The following ITGA8 variants were observed in gnomAD, a reference collection of about 807,000 sequenced individuals.
The protein encoded by ITGA8 is integrin alpha-8.
A neutral mutation model predicts 142.3 loss-of-function variants in ITGA8; 91 were observed. That is an observed-to-expected ratio of 0.64 (90% CI 0.54 to 0.76). The LOEUF (loss-of-function observed/expected upper bound fraction) is 0.76, where lower values mean the gene tolerates loss of function less well. Among genes scored for constraint, ITGA8 ranks in the 30% least tolerant of loss-of-function variants. The pLI is 0.00. For missense variants in ITGA8, 1,406 were observed against 1,327.7 expected, an observed-to-expected ratio of 1.06 and a Z score of -0.92; for synonymous variants, 505 against 485.2, an observed-to-expected ratio of 1.04 and a Z score of -0.54.
rs1250279195 is a variant in ITGA8 at position 15,592,641 on chromosome 10, G to A, written c.2212-337C>T. On this transcript the variant is annotated intron_variant, in intron 21 of 29. Coordinates refer to ENST00000378076, the MANE Select transcript of ITGA8 (RefSeq NM_003638.3). ...ATTGATTGAGACAGGGTCTCGCTCC[G>A]TCACCCAGGCTGGAGTGCATTAGTG... Among the ~76,000 whole-genome samples, 10 of 152,182 alleles carry A rather than the reference G, an allele frequency of 6.6e-5. No homozygotes were observed. The East Asian group carries it at 9.6e-4, about 15-fold the overall frequency.
chr10:15,663,344 CTTT>C (rs1271674875), intron 8 of ITGA8, among the ~76,000 whole-genome samples: 1 of 152,052 alleles, frequency 6.6e-6, no homozygotes, highest in South Asian at 2.1e-4. Context: ...CCTCAAAACA[CTTT>C]TTATTTTATT....
At chr10:15,666,599 T>C (rs574907800) in intron 8 of ITGA8, among the ~76,000 whole-genome samples, 5 of 152,160 alleles carry the variant, frequency 3.3e-5, no homozygotes, top group Non-Finnish European at 7.4e-5. Context: ...CTTGTGCCAG[T>C]TTTCAAAGGG....
At chr10:15,532,432 A>G (rs909179888) in intron 27 of ITGA8, among the ~76,000 whole-genome samples, 3 of 141,672 alleles carry the variant, frequency 2.1e-5, no homozygotes, top group East Asian at 2.0e-4. Context: ...AAAAAAAAAA[A>G]AAAAAAAAAA....
At chr10:15,597,170 A>G (rs2131601127) in intron 21 of ITGA8, 37 bp downstream of exon 21, 1 of 1,514,402 alleles carries the variant, frequency 6.6e-7, no homozygotes, top group Non-Finnish European at 9.2e-7. Context: ...AAGTCCAGTT[A>G]GAAGGAAATC....
intron 8 of ITGA8, among the ~76,000 whole-genome samples, chr10:15,668,289 C>G (rs1167171748): frequency 6.6e-6 from 1 of 151,974 alleles, no homozygotes; most frequent in Non-Finnish European, 1.5e-5. Context: ...TTCTTTGTCT[C>G]TTTTGATCTT....
At chr10:15,659,819 G>A (rs945883219) in intron 9 of ITGA8, among the ~76,000 whole-genome samples, 1 of 152,190 alleles carries the variant, frequency 6.6e-6, no homozygotes, top group African/African-American at 2.4e-5. Context: ...AGACTGGTGG[G>A]ATGTTGCCAC....
At chr10:15,644,261 T>C in intron 12 of ITGA8, 40 bp from the exon 13 acceptor site, 4 of 1,535,568 alleles carry the variant, frequency 2.6e-6, no homozygotes, top group Non-Finnish European at 2.6e-6. Flanking sequence ...TGTATATGTA[T>C]TTAATTCTTC....
Position 15,708,830 on chromosome 10 carries a change from T to G in ITGA8, c.343+9936A>C, listed in dbSNP as rs181089536. 1.5e-4 allele frequency among the ~76,000 whole-genome samples: 23 copies of G among 152,244 alleles called. No homozygotes were observed. In the East Asian group the frequency reaches 4.4e-3, roughly 29 times the overall value. On this transcript the variant is annotated intron_variant, in intron 2 of 29. Transcript: ENST00000378076. The stretch of plus-strand genomic sequence containing the variant: ...AGTGTGCAATTAGACACACCCCTTT[T>G]CCAATTAGGGTGATCTCAGACACCC...
chr10:15,645,250 G>A (rs1833959030), intron 12 of ITGA8, among the ~76,000 whole-genome samples: 1 of 152,006 alleles, frequency 6.6e-6, no homozygotes, highest in South Asian at 2.1e-4. Context: ...TTTACTCTCA[G>A]TGAATTTCAC....
chr10:15,672,602 T>C, intron 7 of ITGA8, 22 bp downstream of exon 7: 1 of 1,593,564 alleles, frequency 6.3e-7, no homozygotes, highest in Non-Finnish European at 8.5e-7. Context: ...AAACCACAAA[T>C]GTCTTGGGCA....
At chr10:15,702,990 G>A (rs1429827703) in intron 2 of ITGA8, among the ~76,000 whole-genome samples, 1 of 152,064 alleles carries the variant, frequency 6.6e-6, no homozygotes, top group Admixed American at 6.6e-5. Flanking sequence ...TATTCCTCTA[G>A]TTCATAGTGA....
intron 25 of ITGA8, among the ~76,000 whole-genome samples, chr10:15,563,910 G>C (rs1412465095): frequency 7.1e-6 from 1 of 140,226 alleles, no homozygotes; most frequent in Non-Finnish European, 1.5e-5. Flanking sequence ...ACAGAGTGAG[G>C]CTGTCTCCAA....
At chr10:15,691,108 T>C (rs1834926097) in intron 2 of ITGA8, among the ~76,000 whole-genome samples, 1 of 152,146 alleles carries the variant, frequency 6.6e-6, no homozygotes, top group Non-Finnish European at 1.5e-5. Flanking sequence ...ACATCCCTAA[T>C]CATCAGGGAT....
chr10:15,567,576 A>G (rs906248502), intron 25 of ITGA8, among the ~76,000 whole-genome samples: 4 of 152,234 alleles, frequency 2.6e-5, no homozygotes, highest in African/African-American at 7.2e-5. Context: ...TTATGCCCCT[A>G]AACTTACAGA....
chr10:15,597,136 A>G (rs113320916), intron 21 of ITGA8, 71 bp downstream of exon 21: 1 of 1,219,670 alleles, frequency 8.2e-7, no homozygotes, highest in Non-Finnish European at 1.2e-6. Flanking sequence ...TGGTAACTGG[A>G]GAGCTTTCCA....
intron 26 of ITGA8, among the ~76,000 whole-genome samples, chr10:15,557,679 A>G (rs557416594): frequency 3.7e-4 from 56 of 152,292 alleles, no homozygotes; most frequent in African/African-American, 1.1e-3. Flanking sequence ...TGCCTCTTCC[A>G]GATAAGCAGA....
chr10:15,593,360 C>T (rs1035625693), intron 21 of ITGA8, among the ~76,000 whole-genome samples: 16 of 152,182 alleles, frequency 1.1e-4, no homozygotes, highest in African/African-American at 3.9e-4. Context: ...CTATGCCTTA[C>T]ACACATGATC....
In ITGA8 at chr10:15,554,472, G is replaced by GATCCACCCCTTTC. The variant is rs1554771983; in HGVS notation, c.2766+3601_2766+3602insGAAAGGGGTGGAT. Among the ~76,000 whole-genome samples the GATCCACCCCTTTC allele has an allele frequency of 1.4e-3, 207 of 151,900 alleles. 3 individuals carry two copies. Among genetic ancestry groups the GATCCACCCCTTTC allele is most frequent in the Admixed American group, 0.013 (203 of 15,270 alleles). Reference sequence around the variant, plus strand: ...CTCATGGCTGCCTCAGGGCTGCCCAGATCCACCCCTTGCATCATCCTTCCT... The same window carrying GATCCACCCCTTTC: ...CTCATGGCTGCCTCAGGGCTGCCCAGATCCACCCCTTTCATCCACCCCTTGCATCATCCTTCCT... On this transcript the variant is annotated intron_variant, in intron 26 of 29. Transcript: ENST00000378076.
At chr10:15,556,072 G>A (rs1451583927) in intron 26 of ITGA8, among the ~76,000 whole-genome samples, 3 of 118,266 alleles carry the variant, frequency 2.5e-5, no homozygotes, top group African/African-American at 9.5e-5. Context: ...TGTCTCCCAG[G>A]CTGGAGTGCA....
Sources: allele counts gnomAD v4.1 joint callset (sites outside exome capture counted in the v4.1 genomes callset), GRCh38; gene constraint gnomAD v4.1.1; transcripts MANE v1.5; gene names NCBI Gene and HGNC (gene_info 2026-07-23, HGNC 2026-07-21).